RELN: variants seen among roughly 807,000 people sequenced by gnomAD.
RELN encodes reelin.
A neutral mutation model predicts 427.6 loss-of-function variants in RELN; 108 were observed. That is an observed-to-expected ratio of 0.25 (90% CI 0.22 to 0.30). The LOEUF (loss-of-function observed/expected upper bound fraction) is 0.30, where lower values mean the gene tolerates loss of function less well. RELN is among the 10% of genes least tolerant of loss of function. The pLI is 1.00. For synonymous variants in RELN, 1,524 were observed against 1,513.4 expected (o/e 1.01, Z -0.16); for missense variants, 3,715 against 4,302.8 (o/e 0.86, Z 3.82).
chr7:103,642,349 G>GT (rs201250403), intron 16 of RELN, among the ~76,000 whole-genome samples: 27,574 of 112,652 alleles, frequency 0.24, 4,388 homozygotes, highest in South Asian at 0.35. Flanking sequence ...ATTTCATAGT[G>GT]TTTTTTTTTT....
intron 16 of RELN, among the ~76,000 whole-genome samples, chr7:103,644,812 C>T (rs954446184): frequency 6.6e-6 from 1 of 151,486 alleles, no homozygotes; most frequent in African/African-American, 2.4e-5. Context: ...AAGGATGTCA[C>T]CAAGTTATAT....
chr7:103,680,500 C>T (rs979608393), intron 11 of RELN, among the ~76,000 whole-genome samples: 12 of 151,564 alleles, frequency 7.9e-5, no homozygotes, highest in East Asian at 5.8e-4. Context: ...GAAAGGGAGT[C>T]GAATTGGTCT....
chr7:103,907,213 T>G (rs1023548599), intron 2 of RELN, among the ~76,000 whole-genome samples: 1 of 151,090 alleles, frequency 6.6e-6, no homozygotes, highest in South Asian at 2.1e-4. Context: ...GTCAGGAGAC[T>G]GAGACCATCC....
At chr7:103,723,229 G>GAGAGGAGAA (rs780028669) in intron 7 of RELN, 38 bp from the exon 8 acceptor site, 1 of 1,307,614 alleles carries the variant, frequency 7.6e-7, no homozygotes, top group Admixed American at 1.7e-5. Context: ...AGACAAGACA[G>GAGAGGAGAA]AGAGGAGAAA....
chr7:103,671,728 A>G lies in RELN; in HGVS notation c.1290-10201T>C, dbSNP rs1439622638. Among the ~76,000 whole-genome samples the G allele has an allele frequency of 3.0e-4, 46 of 152,172 alleles. 1 individual carries two copies. Among genetic ancestry groups the G allele is most frequent in the Admixed American group, 3.0e-3 (46 of 15,256 alleles). On this transcript the variant is annotated intron_variant, in intron 11 of 64. Coordinates refer to ENST00000428762, the MANE Select transcript of RELN (RefSeq NM_005045.4). ...GCTCAAGCAATCTTTAATCAAGGAT[A>G]TACTTAGCAAAAGATAAACTGTCTG...
chr7:103,735,868 T>C (rs536982593), intron 6 of RELN, among the ~76,000 whole-genome samples: 14 of 152,346 alleles, frequency 9.2e-5, no homozygotes, highest in Admixed American at 8.5e-4. Context: ...TGGCATTCTA[T>C]AAGCTTGCAT....
chr7:103,496,020 C>G (rs1177618274), intron 56 of RELN, 122 bp from the exon 57 acceptor site: 1 of 997,234 alleles, frequency 1.0e-6, no homozygotes, highest in Non-Finnish European at 1.6e-6. Flanking sequence ...TTTTTATGCT[C>G]TACTAGCTTT....
chr7:103,714,903 G>A, intron 8 of RELN, among the ~76,000 whole-genome samples: 1 of 152,134 alleles, frequency 6.6e-6, no homozygotes, highest in East Asian at 1.9e-4. Flanking sequence ...GTCAAGAACT[G>A]TTCTTGACAG....
intron 18 of RELN, 45 bp from the exon 19 acceptor site, chr7:103,635,631 A>G (rs2117349245): frequency 6.6e-7 from 1 of 1,519,414 alleles, no homozygotes; most frequent in Non-Finnish European, 9.1e-7. Context: ...AAACATTTTT[A>G]ATCATAATGT....
chr7:103,768,018 G>C (rs1300608237), intron 4 of RELN, among the ~76,000 whole-genome samples: 1 of 152,064 alleles, frequency 6.6e-6, no homozygotes, highest in East Asian at 1.9e-4. Flanking sequence ...CATGTTTACT[G>C]TCTGTCTCCT....
At chr7:103,902,896 AT>A (rs1266748432) in intron 2 of RELN, among the ~76,000 whole-genome samples, 5 of 152,158 alleles carry the variant, frequency 3.3e-5, no homozygotes, top group Admixed American at 6.6e-5. Context: ...ACTTTAAAAA[AT>A]ATCTCAATGA....
chr7:103,960,997 T>C (rs1796541720), intron 1 of RELN, among the ~76,000 whole-genome samples: 1 of 152,244 alleles, frequency 6.6e-6, no homozygotes, highest in Admixed American at 6.5e-5. Flanking sequence ...GAGGGACATT[T>C]AAATTGTTAG....
chr7:103,474,806 GA>G (rs57064398), intron 64 of RELN, among the ~76,000 whole-genome samples: 6,941 of 135,610 alleles, frequency 0.051, 456 homozygotes, highest in African/African-American at 0.16. Context: ...TTCCTTTTAT[GA>G]AAAAAAAAAA....
intron 2 of RELN, among the ~76,000 whole-genome samples, chr7:103,882,035 C>T (rs534022534): frequency 1.3e-5 from 2 of 152,244 alleles, no homozygotes; most frequent in South Asian, 2.1e-4. Flanking sequence ...AATGAATGAG[C>T]GAGTCCATCA....
chr7:103,604,231 G>A, intron 23 of RELN, 115 bp downstream of exon 23: 1 of 1,199,476 alleles, frequency 8.3e-7, no homozygotes, highest in African/African-American at 1.5e-5. Flanking sequence ...TGTTTCTTTT[G>A]GCTATGTCAT....
At chr7:103,721,319 G>A (rs1023370894) in intron 8 of RELN, among the ~76,000 whole-genome samples, 5 of 150,804 alleles carry the variant, frequency 3.3e-5, no homozygotes, top group East Asian at 3.9e-4. Context: ...ATTCAAATCC[G>A]TGCTTTAAAT....
chr7:103,673,596 T>C (rs1296353802), intron 11 of RELN, among the ~76,000 whole-genome samples: 1 of 152,184 alleles, frequency 6.6e-6, no homozygotes, highest in Non-Finnish European at 1.5e-5. Flanking sequence ...TTTCCAGGAA[T>C]GTATCTTGCA....
Position 103,574,198 on chromosome 7 carries a change from G to T in RELN, c.4405C>A (p.Gln1469Lys). 6.2e-7 allele frequency: 1 copy of T among 1,614,094 alleles called. No individual in the cohort carries two copies. The highest frequency in any genetic ancestry group is 1.1e-5 in the South Asian group (1 of 91,076). ...AGTGTTCCACAGCCAGTTCCAACCTGGGCACCTGTTATCTTGTACCACAGA... is the reference window on the plus strand; with the variant it reads ...AGTGTTCCACAGCCAGTTCCAACCTTGGCACCTGTTATCTTGTACCACAGA... ...SPLWYKITGA[Q>K]VGTGCGTLND... The change falls in exon 30 of 65, where the codon CAG becomes AAG. Residue 1469 changes from glutamine to lysine, a missense_variant. Physicochemically the swap from Gln to Lys is moderately conservative, Grantham distance 53. Coordinates refer to ENST00000428762, the MANE Select transcript of RELN (RefSeq NM_005045.4).
intron 11 of RELN, among the ~76,000 whole-genome samples, chr7:103,662,625 CAAAA>C (rs747230376): frequency 2.6e-5 from 2 of 77,348 alleles, no homozygotes; most frequent in East Asian, 3.4e-4. Flanking sequence ...GACTCCGTCA[CAAAA>C]AAAAAAAAAA....
Sources: gnomAD v4.1 joint callset for allele counts (sites outside exome capture counted in the v4.1 genomes callset) on GRCh38, gnomAD v4.1.1 for gene constraint, MANE v1.5 for transcripts, NCBI Gene and HGNC (gene_info 2026-07-23, HGNC 2026-07-21) for gene names.